LRMDA: variants seen among roughly 807,000 people sequenced by gnomAD.
LRMDA encodes leucine-rich melanocyte differentiation-associated protein.
Under a neutral mutation model 29.8 loss-of-function variants are expected in LRMDA, and 18 were observed. That is an observed-to-expected ratio of 0.60 (90% confidence interval 0.42 to 0.90). LRMDA has a LOEUF of 0.90. Among genes scored for constraint, LRMDA ranks in the 40% least tolerant of loss-of-function variants. LRMDA has a pLI of 0.00. For missense variants in LRMDA, 273 were observed against 273.9 expected (o/e 1.00, Z 0.02); for synonymous variants, 125 against 109.4 (o/e 1.14, Z -0.89).
intron 2 of LRMDA, among the ~76,000 whole-genome samples, chr10:75,536,817 C>T (rs1442203481): frequency 1.3e-5 from 2 of 152,064 alleles, no homozygotes; most frequent in Admixed American, 1.3e-4. Context: ...GTCTCAGCCT[C>T]CCAGATTGTT....
intron 2 of LRMDA, among the ~76,000 whole-genome samples, chr10:75,482,892 C>T (rs959597073): frequency 4.6e-5 from 7 of 151,858 alleles, no homozygotes; most frequent in African/African-American, 9.7e-5. Context: ...TTTGCAATCT[C>T]GAAGCAAAAA....
intron 2 of LRMDA, among the ~76,000 whole-genome samples, chr10:75,551,658 T>G (rs774875414): frequency 6.6e-6 from 1 of 152,168 alleles, no homozygotes; most frequent in Non-Finnish European, 1.5e-5. Context: ...GCAAAGGACA[T>G]GAACTCATCC....
intron 5 of LRMDA, among the ~76,000 whole-genome samples, chr10:76,274,227 T>C (rs531996216): frequency 6.6e-6 from 1 of 152,322 alleles, no homozygotes; most frequent in Non-Finnish European, 1.5e-5. Context: ...GAAGTATACT[T>C]GCCCATATTT....
At chr10:76,023,177 G>T (rs904016930) in intron 2 of LRMDA, among the ~76,000 whole-genome samples, 7 of 151,934 alleles carry the variant, frequency 4.6e-5, no homozygotes, top group Admixed American at 3.9e-4. Flanking sequence ...ATCTTGGCAG[G>T]CGATCGGCTT....
At chr10:75,964,034 T>A (rs1487609880) in intron 2 of LRMDA, among the ~76,000 whole-genome samples, 1 of 152,206 alleles carries the variant, frequency 6.6e-6, no homozygotes. Context: ...ATTTTTATGA[T>A]CCTGCAGGAG....
chr10:76,506,420 G>A (rs960917682), intron 6 of LRMDA, among the ~76,000 whole-genome samples: 211 of 152,156 alleles, frequency 1.4e-3, no homozygotes, highest in African/African-American at 4.9e-3. Flanking sequence ...ACTTCACCAG[G>A]TTCCTAATTC....
chr10:75,586,620 A>G (rs966247347), intron 2 of LRMDA, among the ~76,000 whole-genome samples: 1 of 152,100 alleles, frequency 6.6e-6, no homozygotes, highest in Non-Finnish European at 1.5e-5. Flanking sequence ...GAGTACAGAC[A>G]TGAGGCACTG....
intron 6 of LRMDA, among the ~76,000 whole-genome samples, chr10:76,453,137 A>G (rs1842423559): frequency 1.3e-5 from 2 of 152,250 alleles, no homozygotes; most frequent in Admixed American, 1.3e-4. Flanking sequence ...CATCATTAGC[A>G]GTGACCAGGA....
intron 2 of LRMDA, among the ~76,000 whole-genome samples, chr10:75,577,371 C>T (rs1840520241): frequency 6.6e-6 from 1 of 152,052 alleles, no homozygotes; most frequent in Non-Finnish European, 1.5e-5. Context: ...AACAAAGCCT[C>T]CAAGAAATAT....
At chr10:76,127,573 T>G (rs1408020373) in intron 5 of LRMDA, among the ~76,000 whole-genome samples, 2 of 5,050 alleles carry the variant, frequency 4.0e-4, no homozygotes, top group African/African-American at 2.6e-3. Context: ...AGTGCAGAGT[T>G]TTTTTTTTTT....
intron 6 of LRMDA, among the ~76,000 whole-genome samples, chr10:76,501,737 C>T (rs1279109499): frequency 1.3e-5 from 2 of 151,136 alleles, no homozygotes; most frequent in African/African-American, 4.9e-5. Context: ...TTTTTAAGTT[C>T]CCTATAGATT....
intron 2 of LRMDA, among the ~76,000 whole-genome samples, chr10:75,996,410 C>G (rs971851293): frequency 6.6e-6 from 1 of 152,076 alleles, no homozygotes; most frequent in Admixed American, 6.5e-5. Context: ...GTTTTATGAC[C>G]CCTCTTCTTC....
intron 6 of LRMDA, among the ~76,000 whole-genome samples, chr10:76,435,107 C>A (rs987863548): frequency 5.9e-5 from 9 of 152,122 alleles, no homozygotes; most frequent in Non-Finnish European, 1.3e-4. Context: ...TAAGAATAAT[C>A]TATATGACAT....
At chr10:75,808,702 G>A (rs1589213738) in intron 2 of LRMDA, among the ~76,000 whole-genome samples, 1 of 151,854 alleles carries the variant, frequency 6.6e-6, no homozygotes, top group East Asian at 2.0e-4. Context: ...TAGAGACAGG[G>A]TTTCACCATG....
At chr10:76,203,540 G>A (rs908893250) in intron 5 of LRMDA, among the ~76,000 whole-genome samples, 2 of 152,164 alleles carry the variant, frequency 1.3e-5, no homozygotes, top group Admixed American at 6.5e-5. Flanking sequence ...TTGGTGATTC[G>A]GAGAAGACAT....
At chr10:76,472,585 GA>G (rs1842629054) in intron 6 of LRMDA, among the ~76,000 whole-genome samples, 1 of 151,424 alleles carries the variant, frequency 6.6e-6, no homozygotes, top group African/African-American at 2.4e-5. Flanking sequence ...AAAAAGCAAT[GA>G]AAAAATTAAT....
chr10:76,197,442 G>A (rs149926915), intron 5 of LRMDA, among the ~76,000 whole-genome samples: 1 of 152,166 alleles, frequency 6.6e-6, no homozygotes, highest in South Asian at 2.1e-4. Flanking sequence ...TAAACCAGTG[G>A]TTCTCAAGTG....
intron 6 of LRMDA, among the ~76,000 whole-genome samples, chr10:76,355,991 G>A (rs1426771935): frequency 6.6e-6 from 1 of 152,192 alleles, no homozygotes; most frequent in South Asian, 2.1e-4. Context: ...AGGTGAGGCA[G>A]TCTTGCACTG....
At chr10:75,969,779 C>G (rs1428726058) in intron 2 of LRMDA, among the ~76,000 whole-genome samples, 1 of 152,142 alleles carries the variant, frequency 6.6e-6, no homozygotes, top group African/African-American at 2.4e-5. Context: ...GACATTATTT[C>G]TTGAGGAAAT....
Sources: allele counts gnomAD v4.1 joint callset (sites outside exome capture counted in the v4.1 genomes callset), GRCh38; gene constraint gnomAD v4.1.1; transcripts MANE v1.5; gene names NCBI Gene and HGNC (gene_info 2026-07-23, HGNC 2026-07-21).